Variants in NOL8 observed in about 807,000 individuals in gnomAD.
The protein encoded by NOL8 is nucleolar protein 8, also known as nucleolar protein Nop132.
A neutral mutation model predicts 116.1 loss-of-function variants in NOL8; 93 were observed. The ratio of observed to expected loss-of-function variants is 0.80; its 90% CI spans 0.68 to 0.95. NOL8 has a LOEUF of 0.95. Among genes scored for constraint, NOL8 ranks in the 40% least tolerant of loss-of-function variants. The pLI, the probability that NOL8 is intolerant of heterozygous loss-of-function variation, is 0.00. For synonymous variants in NOL8, 419 were observed against 469.0 expected (o/e 0.89, Z 1.38); for missense variants, 1,291 against 1,382.8 (o/e 0.93, Z 1.05).
In NOL8 at chr9:92,302,506, G is replaced by A. The variant is rs143141181; in HGVS notation, c.2904-684C>T. On this transcript the variant is annotated intron_variant, in intron 12 of 16. Coordinates refer to ENST00000442668, the MANE Select transcript of NOL8 (RefSeq NM_017948.6). ...ATATCCTAAATAACCATTCTTAGTG[G>A]TAGAGACCATATCAAAGAGAGAAAC... Among the ~76,000 whole-genome samples, 165 of 152,274 alleles carry A rather than the reference G, an allele frequency of 1.1e-3. 1 individual carries two copies. The highest frequency in any genetic ancestry group is 3.4e-3 in the Middle Eastern group (1 of 292).
Position 92,311,211 on chromosome 9 carries a change from T to C in NOL8, c.2407A>G (p.Ser803Gly). 2 of 1,613,934 alleles carry C rather than the reference T, an allele frequency of 1.2e-6. No homozygotes were observed. The highest frequency in any genetic ancestry group is 1.7e-6 in the Non-Finnish European group (2 of 1,179,854). ...KPTHIIFGSD[S>G]ECETEETSTQ... is the part of the protein sequence containing the mutation. ...GATGTCTCCTCTGTTTCACATTCAC[T>C]GTCAGAACCGAAGATGATGTGCGTT... Residue 803 changes from serine (S) to glycine (G), a missense_variant, in exon 8 of 17, where the codon AGT (serine) becomes GGT (glycine). Ser to Gly is a moderately conservative substitution (Grantham distance 56). Transcript: ENST00000442668.
chr9:92,298,893 G>C lies in NOL8; in HGVS notation c.3364C>G (p.Arg1122Gly). 6.6e-7 allele frequency: 1 copy of C among 1,526,266 alleles called. No homozygotes were observed. Among genetic ancestry groups the C allele is most frequent in the Non-Finnish European group, 8.8e-7 (1 of 1,131,394 alleles). 94.5% of individuals were successfully genotyped at this position (1,526,266 alleles called of 1,614,324 possible). ...RFFFFSKNDE[R>G]LQGSDLFWRG... ...AAAAAAATGGACTGACCTTGAAGTCGTTCATCATTCTTAGAGAAAAAGAAA... is the reference window on the plus strand; with the variant it reads ...AAAAAAATGGACTGACCTTGAAGTCCTTCATCATTCTTAGAGAAAAAGAAA... Residue 1122 changes from arginine to glycine, a missense_variant, in exon 15 of 17, where the codon CGA becomes GGA. Transcript: ENST00000442668.
At position 92,318,686 on chromosome 9, in the gene NOL8, T is replaced by G; in HGVS notation, c.418A>C (p.Asn140His). Reference protein sequence around the residue: ...VPGTEVPGHKNWVVSKFGRVL... With the variant: ...VPGTEVPGHKHWVVSKFGRVL... ...CTTCCAAATTTGCTCACAACCCAAT[T>G]CTAAAAGAAAAAAAAAGAATTTATT... is the stretch of plus-strand genomic sequence containing the variant. The change falls in exon 6 of 17, where the codon AAT (asparagine) becomes CAT (histidine). Residue 140 changes from asparagine to histidine, a missense_variant and splice_region_variant. Coordinates refer to ENST00000442668, the MANE Select transcript of NOL8 (RefSeq NM_017948.6). The G allele has an allele frequency of 6.3e-7, 1 of 1,574,868 alleles. No homozygotes were observed. Among genetic ancestry groups the G allele is most frequent in the Non-Finnish European group, 8.6e-7 (1 of 1,163,478 alleles).
At chr9:92,300,591 C>T (rs1039290755) in intron 13 of NOL8, 5 of 995,830 alleles carry the variant, frequency 5.0e-6, no homozygotes, top group East Asian at 1.0e-4. Flanking sequence ...CAATTTCTCA[C>T]GTTTTGCTCT....
In NOL8 at chr9:92,315,592, C is replaced by T. The variant is rs750294867; in HGVS notation, c.1033G>A (p.Val345Ile). The T allele has an allele frequency of 9.9e-6, 16 of 1,612,776 alleles. No homozygotes were observed. The highest frequency in any genetic ancestry group is 6.6e-5 in the South Asian group (6 of 90,952). ...CCTATTAAAGAATGCAGTTTGTGAA[C>T]GCCTGATTTGAAATCATCCCTTACA... ...EVVRDDFKSGVHKLHSLIGLG... is the reference protein window; with the variant it reads ...EVVRDDFKSGIHKLHSLIGLG... The change falls in exon 7 of 17, where the codon GTT (valine) becomes ATT (isoleucine). Residue 345 changes from valine (V) to isoleucine (I), a missense_variant. By Grantham distance (29) the Val-to-Ile change is conservative. Coordinates refer to ENST00000442668, the MANE Select transcript of NOL8 (RefSeq NM_017948.6).
intron 11 of NOL8, among the ~76,000 whole-genome samples, 155 bp from the exon 12 acceptor site, chr9:92,305,985 A>T (rs1838218748): frequency 6.6e-6 from 1 of 152,154 alleles, no homozygotes; most frequent in African/African-American, 2.4e-5. Flanking sequence ...ATCTTACTAG[A>T]AATAACATAT....
intron 1 of NOL8, chr9:92,324,657 C>T (rs2130755131): frequency 6.6e-6 from 1 of 152,520 alleles, no homozygotes; most frequent in East Asian, 1.9e-4. Context: ...AGCCTTCTTC[C>T]TCCTAGAAGA....
chr9:92,305,411 G>C (rs1225099859), intron 12 of NOL8, among the ~76,000 whole-genome samples: 1 of 152,146 alleles, frequency 6.6e-6, no homozygotes, highest in Non-Finnish European at 1.5e-5. Flanking sequence ...GGACTTCTAG[G>C]TTCCAGAACT....
chr9:92,298,938 C>T lies in NOL8; in HGVS notation c.3319G>A (p.Glu1107Lys). The T allele has an allele frequency of 6.6e-7, 1 of 1,523,398 alleles. No homozygotes were observed. The highest frequency in any genetic ancestry group is 8.8e-7 in the Non-Finnish European group (1 of 1,130,208). 94.4% of individuals were successfully genotyped at this position (1,523,398 alleles called of 1,614,324 possible). ...NSSPGEASLL[E>K]KETTRFFFFS... ...AAGAAAAATCTAGTGGTCTCTTTCT[C>T]AAGTAATGATGCTTCTCTGAAAAGA... The change falls in exon 15 of 17, where the codon GAG (glutamate) becomes AAG (lysine). Residue 1107 changes from glutamate to lysine, a missense_variant. Transcript: ENST00000442668.
intron 7 of NOL8, among the ~76,000 whole-genome samples, chr9:92,311,762 T>G (rs970648041): frequency 2.6e-5 from 4 of 152,200 alleles, no homozygotes; most frequent in African/African-American, 9.7e-5. Flanking sequence ...GGAATGTAAA[T>G]GCATTCACCC....
In NOL8 at chr9:92,311,127, G is replaced by T; in HGVS notation, c.2472+19C>A. 1 of 1,558,376 alleles carries T rather than the reference G, an allele frequency of 6.4e-7. No individual in the cohort carries two copies. The highest frequency in any genetic ancestry group is 8.8e-7 in the Non-Finnish European group (1 of 1,130,568). ...GCAGAAGTAGATGAATGTCCACAGA[G>T]ACATCCTGAACTTCTTACTTTCACC... On this transcript the variant is annotated intron_variant, in intron 8 of 16. Coordinates refer to ENST00000442668, the MANE Select transcript of NOL8 (RefSeq NM_017948.6).
In NOL8 at chr9:92,310,628, A is replaced by G. The variant is rs1048596204; in HGVS notation, c.2520T>C (p.Asp840=). Residue 840 remains aspartate, a synonymous_variant, in exon 9 of 17, where the codon GAT becomes GAC. Transcript: ENST00000442668. ...TSGKLFDSSD[D]DESDSEDDSN... ...TGTCATCTTCAGAATCAGATTCGTC[A>G]TCATCACTGCTATCAAACAGCTTCC... 23 of 1,613,020 alleles carry G rather than the reference A, an allele frequency of 1.4e-5. No individual in the cohort carries two copies. Among genetic ancestry groups the G allele is most frequent in the Admixed American group, 8.4e-5 (5 of 59,870 alleles).
intron 7 of NOL8, among the ~76,000 whole-genome samples, chr9:92,312,827 C>CAAAAAAAAAAAA (rs35089570): frequency 1.8e-5 from 1 of 55,464 alleles, no homozygotes; most frequent in Non-Finnish European, 3.4e-5. Context: ...AACTCCATCT[C>CAAAAAAAAAAAA]AAAAAAAAAA....
intron 4 of NOL8, among the ~76,000 whole-genome samples, chr9:92,319,617 GTTTAC>G (rs1418728958): frequency 1.3e-5 from 2 of 152,072 alleles, no homozygotes; most frequent in Admixed American, 1.3e-4. Context: ...TTAATATTTT[GTTTAC>G]TTAACTTCAT....
chr9:92,301,810 T>C lies in NOL8; in HGVS notation c.2916A>G (p.Arg972=), dbSNP rs1275303025. ...TCTCAGCTTCCTCCCTTTTCTTTTT[T>C]CGTTTTGCTTTACTGAAATGACATA... is the stretch of plus-strand genomic sequence containing the variant. ...DDKPKESKAK[R]KKKREEAEKL... The change falls in exon 13 of 17, where the codon CGA becomes CGG. Residue 972 remains arginine (R), a synonymous_variant. Transcript: ENST00000442668. 1.9e-6 allele frequency: 3 copies of C among 1,586,006 alleles called. No individual in the cohort carries two copies. Among genetic ancestry groups the C allele is most frequent in the Admixed American group, 1.8e-5 (1 of 55,288 alleles).
At chr9:92,312,878 G>A (rs1020071563) in intron 7 of NOL8, among the ~76,000 whole-genome samples, 1 of 146,818 alleles carries the variant, frequency 6.8e-6, no homozygotes, top group African/African-American at 2.5e-5. Flanking sequence ...TGGGTACTAT[G>A]CTGATTATCT....
chr9:92,301,472 T>A, intron 13 of NOL8, 79 bp downstream of exon 13: 1 of 1,114,692 alleles, frequency 9.0e-7, no homozygotes, highest in Non-Finnish European at 1.2e-6. Flanking sequence ...TAACATGAAA[T>A]CTGTTACACT....
At chr9:92,323,311 C>G (rs1462200912) in intron 3 of NOL8, 130 bp downstream of exon 3, 5 of 1,539,018 alleles carry the variant, frequency 3.2e-6, no homozygotes, top group Non-Finnish European at 4.4e-6. Flanking sequence ...TACTGGAATT[C>G]TCTTCATCAC....
At position 92,298,274 on chromosome 9, in the gene NOL8, T is replaced by G. The variant is rs370348135; in HGVS notation, c.3436A>C (p.Thr1146Pro). 64 of 1,608,134 alleles carry G rather than the reference T, an allele frequency of 4.0e-5. No homozygotes were observed. Among genetic ancestry groups the G allele is most frequent in the Non-Finnish European group, 5.2e-5 (61 of 1,177,202 alleles). ...NMSRNSWEARTTNLRMDCRKK... is the reference protein window; with the variant it reads ...NMSRNSWEARPTNLRMDCRKK... ...TTACTCACCATACGCAGGTTGGTTG[T>G]TCTGGCCTCCCAAGAGTTCCTGCTC... Residue 1146 changes from threonine (T) to proline (P), a missense_variant, in exon 16 of 17, where the codon ACA becomes CCA. By Grantham distance (38) the Thr-to-Pro change is conservative. Coordinates refer to ENST00000442668, the MANE Select transcript of NOL8 (RefSeq NM_017948.6).
Sources: allele counts gnomAD v4.1 joint callset (sites outside exome capture counted in the v4.1 genomes callset), GRCh38; gene constraint gnomAD v4.1.1; transcripts MANE v1.5; gene names NCBI Gene and HGNC (gene_info 2026-07-23, HGNC 2026-07-21).